FAS: variants seen among roughly 807,000 people sequenced by gnomAD.
FAS encodes the protein tumor necrosis factor receptor superfamily member 6.
Under a neutral mutation model 33.2 loss-of-function variants are expected in FAS, and 5 were observed. That is an observed-to-expected ratio of 0.15 (90% CI 0.08 to 0.32). FAS has a LOEUF of 0.32. Among genes scored for constraint, FAS ranks in the 10% least tolerant of loss-of-function variants. The pLI, the probability that FAS is intolerant of heterozygous loss-of-function variation, is 1.00. For synonymous variants in FAS, 131 were observed against 130.7 expected (o/e 1.00, Z -0.01); for missense variants, 339 against 386.0 (o/e 0.88, Z 1.02).
Position 89,014,743 on chromosome 10 carries a change from CAT to C in FAS, c.*296_*297del, listed in dbSNP as rs1337136004. On this transcript the variant is annotated 3_prime_UTR_variant, in exon 9 of 9. Transcript: ENST00000652046. ...ATTAAGATTATGCTCTGGCATCTAA[CAT>C]ATGATTCTGTAGTATGAATGTAATC... The C allele has an allele frequency of 1.4e-5, 8 of 591,086 alleles. No individual in the cohort carries two copies. The highest frequency in any genetic ancestry group is 2.2e-5 in the Non-Finnish European group (7 of 315,170). 36.6% of individuals were successfully genotyped at this position (591,086 alleles called of 1,614,324 possible).
chr10:88,984,649 C>T (rs1378237080), upstream of FAS, among the ~76,000 whole-genome samples: 1 of 152,230 alleles, frequency 6.6e-6, no homozygotes, highest in Non-Finnish European at 1.5e-5. Context: ...GGTCCATGCT[C>T]TCTGAGCCAG....
At chr10:89,008,831 T>A in intron 3 of FAS, 58 bp from the exon 4 acceptor site, 1 of 1,529,306 alleles carries the variant, frequency 6.5e-7, no homozygotes, top group Middle Eastern at 1.7e-4. Flanking sequence ...GCCCACCATT[T>A]TCATAGTCTG....
intron 2 of FAS, among the ~76,000 whole-genome samples, chr10:89,004,207 T>C (rs1373256957): frequency 6.6e-6 from 1 of 152,254 alleles, no homozygotes; most frequent in Non-Finnish European, 1.5e-5. Context: ...GAACAAAATA[T>C]GCTTTGCACA....
Position 88,990,986 on chromosome 10 carries a change from G to A in FAS, c.30+80G>A, listed in dbSNP as rs569284473. The A allele has an allele frequency of 2.7e-5, 43 of 1,599,626 alleles. No individual in the cohort carries two copies. The highest frequency in any genetic ancestry group is 3.4e-5 in the Admixed American group (2 of 59,662). On this transcript the variant is annotated intron_variant, in intron 1 of 8. Transcript: ENST00000652046. The surrounding 1 kb of genome is among the most constrained non-coding windows in gnomAD (Gnocchi z 4.9). Reference sequence around the variant, plus strand: ...GCAAAGTGGGGCGGGCGCGGGACGCGTGCGGGATTGCGGCGGCAGCGGCGC... The same window carrying A: ...GCAAAGTGGGGCGGGCGCGGGACGCATGCGGGATTGCGGCGGCAGCGGCGC...
chr10:89,013,710 A>G (rs12720437), intron 8 of FAS, among the ~76,000 whole-genome samples: 2 of 152,244 alleles, frequency 1.3e-5, no homozygotes, highest in African/African-American at 2.4e-5. Flanking sequence ...ACCCAACTCT[A>G]TAACAACATA....
chr10:88,990,567 A>C (rs1345680070), upstream of FAS: 1 of 648,300 alleles, frequency 1.5e-6, no homozygotes, highest in Non-Finnish European at 2.8e-6. The surrounding 1 kb of genome is among the most constrained non-coding windows in gnomAD (Gnocchi z 4.9). Context: ...GAATCAATGG[A>C]GCCCTCCCCA....
intron 1 of FAS, chr10:88,991,371 C>A: frequency 3.4e-6 from 1 of 295,662 alleles, no homozygotes; most frequent in Non-Finnish European, 6.5e-6. Flanking sequence ...GTGCGCGCCG[C>A]CCCGCGGGGG....
Position 89,014,506 on chromosome 10 carries a change from CT to C in FAS, c.*58del. On this transcript the variant is annotated 3_prime_UTR_variant, in exon 9 of 9. Coordinates refer to ENST00000652046, the MANE Select transcript of FAS (RefSeq NM_000043.6). ...TATGCAATTAGTGTTTGAAAAGATT[CT>C]TAATAGCTGGCTGTAAATACTGCTT... The C allele has an allele frequency of 4.0e-6, 6 of 1,514,306 alleles. No homozygotes were observed. The highest frequency in any genetic ancestry group is 5.4e-6 in the Non-Finnish European group (6 of 1,107,686). 93.8% of individuals were successfully genotyped at this position (1,514,306 alleles called of 1,614,324 possible). A position where few individuals can be genotyped will look rare whatever the true frequency, so the allele number is the denominator to read the frequency against.
At chr10:88,967,079 G>A (rs1216589576) in intron 1 of FAS, among the ~76,000 whole-genome samples, 1 of 152,154 alleles carries the variant, frequency 6.6e-6, no homozygotes, top group East Asian at 1.9e-4. Context: ...AAAAGAAAGT[G>A]AACAGGAAGA....
rs1169391012 is a variant in FAS, at chr10:89,016,564, G to A, written c.*2114G>A. 4 of 226,302 alleles carry A rather than the reference G, an allele frequency of 1.8e-5. No individual in the cohort carries two copies. The highest frequency in any genetic ancestry group is 3.5e-5 in the Non-Finnish European group (4 of 113,734). The allele number at this position is 226,302 out of a possible 1,614,324, so 14.0% of individuals were successfully genotyped here. A position where few individuals can be genotyped will look rare whatever the true frequency, so the allele number is the denominator to read the frequency against. The stretch of plus-strand genomic sequence containing the variant: ...CAGTGGAGAAGTCTTTGTACTTGGT[G>A]ATGTGGTTTTTTTCCTCATGGCTTC... On this transcript the variant is annotated 3_prime_UTR_variant, in exon 9 of 9. Transcript: ENST00000652046.
intron 1 of FAS, among the ~76,000 whole-genome samples, chr10:88,970,614 T>C (rs1846417681): frequency 6.6e-6 from 1 of 152,176 alleles, no homozygotes; most frequent in South Asian, 2.1e-4. Context: ...AGCATTAGAA[T>C]TCCCCATTTA....
intron 1 of FAS, among the ~76,000 whole-genome samples, chr10:88,991,986 C>T (rs774671346): frequency 1.3e-5 from 2 of 152,110 alleles, no homozygotes; most frequent in Admixed American, 6.6e-5. Context: ...GTGATCTCCG[C>T]GGATTCTCAC....
intron 1 of FAS, among the ~76,000 whole-genome samples, chr10:88,999,721 T>C (rs1470584452): frequency 6.6e-6 from 1 of 152,192 alleles, no homozygotes; most frequent in East Asian, 1.9e-4. Context: ...ATCTGTTTAT[T>C]CCTAGTTCAG....
intron 2 of FAS, among the ~76,000 whole-genome samples, chr10:88,978,481 C>A (rs889430068): frequency 6.6e-6 from 1 of 152,156 alleles, no homozygotes; most frequent in African/African-American, 2.4e-5. Context: ...GTTGAGAAAA[C>A]ATAACTGTGA....
In FAS at chr10:89,014,610, T is replaced by G; in HGVS notation, c.*160T>G. On this transcript the variant is annotated 3_prime_UTR_variant, in exon 9 of 9. Coordinates refer to ENST00000652046, the MANE Select transcript of FAS (RefSeq NM_000043.6). The stretch of plus-strand genomic sequence containing the variant: ...TTTGTAGATTTTTAATATCTCATGA[T>G]TCTGCCTCCAAGGATGTTTAAAATC... The G allele has an allele frequency of 3.8e-6, 3 of 796,608 alleles. No homozygotes were observed. The highest frequency in any genetic ancestry group is 6.3e-6 in the Non-Finnish European group (3 of 474,240). 49.3% of individuals were successfully genotyped at this position (796,608 alleles called of 1,614,324 possible).
rs774496826 is a variant in FAS, at chr10:89,014,930, A to C, written c.*480A>C. ...TCTAGAGATTTTACCATATTTCTAA[A>C]CTTTGTTTATAACTCTGAGAAGATC... On this transcript the variant is annotated 3_prime_UTR_variant, in exon 9 of 9. Transcript: ENST00000652046. The C allele has an allele frequency of 7.5e-6, 4 of 534,926 alleles. No individual in the cohort carries two copies. Among genetic ancestry groups the C allele is most frequent in the South Asian group, 6.1e-5 (4 of 65,172 alleles). The allele number at this position is 534,926 out of a possible 1,614,324, so 33.1% of individuals were successfully genotyped here.
Position 89,015,716 on chromosome 10 carries a change from T to A in FAS, c.*1266T>A. The A allele has an allele frequency of 4.0e-6, 2 of 497,220 alleles. No individual in the cohort carries two copies. Among genetic ancestry groups the A allele is most frequent in the Non-Finnish European group, 3.9e-6 (1 of 258,794 alleles). 30.8% of individuals were successfully genotyped at this position (497,220 alleles called of 1,614,324 possible). On this transcript the variant is annotated 3_prime_UTR_variant, in exon 9 of 9. Coordinates refer to ENST00000652046, the MANE Select transcript of FAS (RefSeq NM_000043.6). ...CTAAAGAACTTCCATTTATGGAGGATTTTTTTGCCCCTTGTGTTTGGAATT... is the reference window on the plus strand; with the variant it reads ...CTAAAGAACTTCCATTTATGGAGGAATTTTTTGCCCCTTGTGTTTGGAATT...
At chr10:89,005,023 T>C (rs1848139332) in intron 2 of FAS, among the ~76,000 whole-genome samples, 1 of 152,156 alleles carries the variant, frequency 6.6e-6, no homozygotes, top group Admixed American at 6.5e-5. Context: ...GTTGAGTGCT[T>C]TGGAGAATTC....
intron 1 of FAS, among the ~76,000 whole-genome samples, chr10:88,996,754 T>C (rs4345878): frequency 0.9 from 137,461 of 152,252 alleles, 62,295 homozygotes; most frequent in East Asian, 0.99. Flanking sequence ...TAAATATATA[T>C]AATTTTTTTA....
Sources: gnomAD v4.1 joint callset for allele counts (sites outside exome capture counted in the v4.1 genomes callset) on GRCh38, gnomAD v4.1.1 for gene constraint, Gnocchi (gnomAD v3.1) non-coding constraint, MANE v1.5 for transcripts, NCBI Gene and HGNC (gene_info 2026-07-23, HGNC 2026-07-21) for gene names.